Variants in TBC1D32 observed in about 807,000 individuals in gnomAD.
The protein encoded by TBC1D32 is protein broad-minded.
Under a neutral mutation model 170.3 loss-of-function variants are expected in TBC1D32, and 151 were observed. The ratio of observed to expected loss-of-function variants is 0.89; its 90% CI spans 0.78 to 1.01. TBC1D32 has a LOEUF of 1.01. TBC1D32 is among the 50% of genes least tolerant of loss of function. The pLI is 0.00. For synonymous variants in TBC1D32, 498 were observed against 488.0 expected, an observed-to-expected ratio of 1.02 and a Z score of -0.27; for missense variants, 1,464 against 1,457.1, an observed-to-expected ratio of 1.00 and a Z score of -0.08.
chr6:121,321,666 T>C lies in TBC1D32; in HGVS notation c.284A>G (p.Gln95Arg). 1.9e-6 allele frequency: 3 copies of C among 1,613,858 alleles called. No individual in the cohort carries two copies. The highest frequency in any genetic ancestry group is 2.7e-5 in the African/African-American group (2 of 75,002). Residue 95 changes from glutamine (Q) to arginine (R), a missense_variant, in exon 2 of 32, where the codon CAG becomes CGG. Coordinates refer to ENST00000398212, the MANE Select transcript of TBC1D32 (RefSeq NM_152730.6). ...GEECGYDTVV[Q>R]QVTKRTQESK... is the part of the protein sequence containing the mutation. ...TTCTTGAGTTCTTTTAGTGACCTGCTGTACAACTGTATCATAGCCGCATTC... is the reference window on the plus strand; with the variant it reads ...TTCTTGAGTTCTTTTAGTGACCTGCCGTACAACTGTATCATAGCCGCATTC...
At chr6:121,283,960 C>G in intron 12 of TBC1D32, 50 bp from the exon 13 acceptor site, 1 of 1,358,416 alleles carries the variant, frequency 7.4e-7, no homozygotes, top group East Asian at 2.4e-5. Flanking sequence ...ATTCTTTCAA[C>G]TTAAGAGAAA....
At chr6:121,277,775 T>A (rs1802430234) in intron 15 of TBC1D32, among the ~76,000 whole-genome samples, 1 of 149,946 alleles carries the variant, frequency 6.7e-6, no homozygotes. Context: ...GAGAAATCAA[T>A]AAAATTAAAA....
At chr6:121,334,558 A>C, upstream of TBC1D32, 1 of 1,169,606 alleles carries the variant, frequency 8.5e-7, no homozygotes, top group Non-Finnish European at 1.2e-6. Context: ...TACCGCGGCG[A>C]GCGCCTGTGC....
At chr6:121,235,653 G>C (rs1454059266) in intron 20 of TBC1D32, among the ~76,000 whole-genome samples, 1 of 152,186 alleles carries the variant, frequency 6.6e-6, no homozygotes, top group Admixed American at 6.5e-5. Context: ...GATCAGGGCG[G>C]AGAACTTGAC....
intron 30 of TBC1D32, among the ~76,000 whole-genome samples, chr6:121,104,555 T>G (rs986705572): frequency 1.3e-5 from 2 of 151,604 alleles, no homozygotes; most frequent in African/African-American, 4.8e-5. Flanking sequence ...ACAAAGTACA[T>G]TAACATTACA....
intron 24 of TBC1D32, among the ~76,000 whole-genome samples, chr6:121,134,023 A>T (rs543801488): frequency 6.6e-6 from 1 of 152,230 alleles, no homozygotes; most frequent in South Asian, 2.1e-4. Flanking sequence ...ATGTATCTTG[A>T]CAAGAATTAG....
At chr6:121,097,636 G>A (rs1273429279) in intron 30 of TBC1D32, among the ~76,000 whole-genome samples, 3 of 152,030 alleles carry the variant, frequency 2.0e-5, no homozygotes, top group Admixed American at 6.6e-5. Flanking sequence ...ACAGTGTGGA[G>A]ATTCCTCAAG....
chr6:121,137,407 G>C (rs771393310), intron 24 of TBC1D32, among the ~76,000 whole-genome samples: 1 of 147,308 alleles, frequency 6.8e-6, no homozygotes, highest in African/African-American at 2.5e-5. Context: ...GGTAGAGAAA[G>C]AAATAGTCTT....
intron 22 of TBC1D32, among the ~76,000 whole-genome samples, chr6:121,162,382 T>C (rs1408172867): frequency 1.3e-5 from 2 of 152,142 alleles, no homozygotes; most frequent in East Asian, 1.9e-4. Context: ...TTGTATACAA[T>C]GTAACTGAAG....
At chr6:121,149,945 T>C (rs1783995571) in intron 24 of TBC1D32, among the ~76,000 whole-genome samples, 2 of 152,204 alleles carry the variant, frequency 1.3e-5, no homozygotes, top group South Asian at 4.1e-4. Flanking sequence ...AGCAGTGGTT[T>C]GTAGTTCTCT....
chr6:121,294,880 TG>T (rs1363368656), intron 10 of TBC1D32, among the ~76,000 whole-genome samples: 1 of 152,198 alleles, frequency 6.6e-6, no homozygotes, highest in Non-Finnish European at 1.5e-5. Flanking sequence ...CCAACAAATA[TG>T]ATAATGTTAT....
chr6:121,104,723 T>C (rs1335340274), intron 30 of TBC1D32, among the ~76,000 whole-genome samples: 1 of 151,700 alleles, frequency 6.6e-6, no homozygotes, highest in African/African-American at 2.4e-5. Flanking sequence ...TAATGAGAAA[T>C]GTACCATATC....
At chr6:121,184,447 C>A (rs1212585424) in intron 22 of TBC1D32, among the ~76,000 whole-genome samples, 1 of 151,806 alleles carries the variant, frequency 6.6e-6, no homozygotes, top group East Asian at 1.9e-4. Flanking sequence ...TTAACTACCA[C>A]CAAGAAAATG....
intron 22 of TBC1D32, among the ~76,000 whole-genome samples, chr6:121,174,029 A>G (rs558238789): frequency 6.6e-6 from 1 of 152,312 alleles, no homozygotes; most frequent in East Asian, 1.9e-4. Context: ...TTGATAAAGC[A>G]GTGGTCTCCA....
intron 14 of TBC1D32, among the ~76,000 whole-genome samples, chr6:121,280,244 A>G (rs948404792): frequency 1.3e-5 from 2 of 151,882 alleles, no homozygotes; most frequent in African/African-American, 4.8e-5. Flanking sequence ...ATATAAACAC[A>G]GTATTTTAAA....
intron 31 of TBC1D32, among the ~76,000 whole-genome samples, chr6:121,081,647 GA>G (rs899172082): frequency 2.0e-5 from 3 of 151,242 alleles, no homozygotes; most frequent in African/African-American, 7.3e-5. Flanking sequence ...ATAAGAAGAA[GA>G]AAAAAAAGCA....
At chr6:121,191,532 C>A (rs1469635557) in intron 22 of TBC1D32, among the ~76,000 whole-genome samples, 1 of 152,096 alleles carries the variant, frequency 6.6e-6, no homozygotes, top group Non-Finnish European at 1.5e-5. Flanking sequence ...AGAATTTACA[C>A]AATTCTGCAA....
chr6:121,261,338 G>A (rs1030204203), intron 15 of TBC1D32, among the ~76,000 whole-genome samples: 6 of 152,190 alleles, frequency 3.9e-5, no homozygotes, highest in African/African-American at 1.2e-4. Context: ...CCCAAAAGGG[G>A]TCACCAGACA....
At chr6:121,287,227 G>T (rs1804009466) in intron 12 of TBC1D32, among the ~76,000 whole-genome samples, 1 of 152,096 alleles carries the variant, frequency 6.6e-6, no homozygotes, top group Non-Finnish European at 1.5e-5. Context: ...AAGGAGTCAA[G>T]GCCCATCAGT....
Sources: gnomAD v4.1 joint callset for allele counts (sites outside exome capture counted in the v4.1 genomes callset) on GRCh38, gnomAD v4.1.1 for gene constraint, MANE v1.5 for transcripts, NCBI Gene and HGNC (gene_info 2026-07-23, HGNC 2026-07-21) for gene names.